CAPZB: variants seen among roughly 807,000 people sequenced by gnomAD.
CAPZB encodes capping actin protein of muscle Z-line subunit beta, also known as F-actin-capping protein subunit beta.
CAPZB carries 2 observed loss-of-function variants against 38.1 expected under a neutral mutation model. The observed-to-expected ratio is 0.05, with a 90% CI of 0.02 to 0.17. The LOEUF (loss-of-function observed/expected upper bound fraction) is 0.17. CAPZB is among the 10% of genes least tolerant of loss of function. CAPZB has a pLI of 1.00. For missense variants in CAPZB, 161 were observed against 334.2 expected, an observed-to-expected ratio of 0.48 and a Z score of 4.04; for synonymous variants, 107 against 127.4, an observed-to-expected ratio of 0.84 and a Z score of 1.08.
chr1:19,470,048 C>T (rs147953283), intron 1 of CAPZB, among the ~76,000 whole-genome samples: 26 of 152,150 alleles, frequency 1.7e-4, no homozygotes, highest in East Asian at 9.7e-4. Context: ...GGTGAAACCC[C>T]GTCTCTACAA....
At chr1:19,440,144 T>G (rs1270197738) in intron 1 of CAPZB, among the ~76,000 whole-genome samples, 1 of 152,174 alleles carries the variant, frequency 6.6e-6, no homozygotes, top group Non-Finnish European at 1.5e-5. Flanking sequence ...TACCTTTGTT[T>G]TTCTTTTCTT....
chr1:19,365,988 T>C (rs1052835857), intron 4 of CAPZB, among the ~76,000 whole-genome samples: 29 of 151,984 alleles, frequency 1.9e-4, no homozygotes, highest in Non-Finnish European at 2.8e-4. Flanking sequence ...AAAAGCAGAA[T>C]TCCTCTATGA....
chr1:19,372,428 C>T (rs760015992), intron 4 of CAPZB, among the ~76,000 whole-genome samples: 3 of 152,158 alleles, frequency 2.0e-5, no homozygotes, highest in Admixed American at 6.5e-5. Context: ...AACCCGGGGC[C>T]GACACAGGCC....
At chr1:19,374,530 G>A (rs1288648428) in intron 4 of CAPZB, 2 of 152,374 alleles carry the variant, frequency 1.3e-5, no homozygotes, top group African/African-American at 2.4e-5. Flanking sequence ...CGCAGGCCAA[G>A]CTCTAGCTTG....
intron 4 of CAPZB, among the ~76,000 whole-genome samples, chr1:19,367,556 A>T (rs1426453321): frequency 6.6e-6 from 1 of 152,162 alleles, no homozygotes; most frequent in Non-Finnish European, 1.5e-5. Context: ...GCTGAAACTC[A>T]ACCACCCTTG....
intron 4 of CAPZB, among the ~76,000 whole-genome samples, chr1:19,372,079 T>A (rs2094122303): frequency 6.6e-6 from 1 of 152,222 alleles, no homozygotes; most frequent in African/African-American, 2.4e-5. Context: ...CTCTATAAAC[T>A]TCTTCCAGAC....
chr1:19,459,775 A>C (rs1359234196), intron 1 of CAPZB, among the ~76,000 whole-genome samples: 1 of 152,128 alleles, frequency 6.6e-6, no homozygotes, highest in Admixed American at 6.5e-5. Context: ...AACAATTCAG[A>C]AGTTCAAAAT....
intron 1 of CAPZB, among the ~76,000 whole-genome samples, chr1:19,422,417 AAG>A (rs2100525375): frequency 6.6e-6 from 1 of 152,246 alleles, no homozygotes; most frequent in East Asian, 1.9e-4. Context: ...ATTGACAATA[AAG>A]TCCCCCTCAG....
chr1:19,480,998 G>C (rs748734974), intron 1 of CAPZB, among the ~76,000 whole-genome samples: 1 of 152,176 alleles, frequency 6.6e-6, no homozygotes, highest in Non-Finnish European at 1.5e-5. Context: ...ATCACTATGT[G>C]CCAGATGCTA....
chr1:19,423,739 G>C (rs1277277552), intron 1 of CAPZB, among the ~76,000 whole-genome samples: 1 of 151,676 alleles, frequency 6.6e-6, no homozygotes, highest in African/African-American at 2.4e-5. Context: ...CCAGGCTGGA[G>C]TATAGTAGCA....
chr1:19,426,389 C>T (rs1156569628), intron 1 of CAPZB, among the ~76,000 whole-genome samples: 1 of 152,178 alleles, frequency 6.6e-6, no homozygotes. Context: ...GCAGTCCCAT[C>T]CCACATGCTC....
rs1570211823 is a variant in CAPZB at position 19,420,126 on chromosome 1, C to G, written c.4-376G>C. 3 of 174,656 alleles carry G rather than the reference C, an allele frequency of 1.7e-5. No homozygotes were observed. In the East Asian group the frequency reaches 4.7e-4, roughly 27 times the overall value. The allele number at this position is 174,656 out of a possible 1,614,324, so 10.8% of individuals were successfully genotyped here. A position where few individuals can be genotyped will look rare whatever the true frequency, so the allele number is the denominator to read the frequency against. On this transcript the variant is annotated intron_variant, in intron 1 of 8. Coordinates refer to ENST00000264202, the MANE Select transcript of CAPZB (RefSeq NM_004930.5). Reference sequence around the variant, plus strand: ...ACTCCAGTAGCGGATTACTTTTGCCCTTTGTTGTAACCTGGGTGTAAACAT... The same window carrying G: ...ACTCCAGTAGCGGATTACTTTTGCCGTTTGTTGTAACCTGGGTGTAAACAT...
Position 19,481,090 on chromosome 1 carries a change from T to C in CAPZB, c.3+4346A>G, listed in dbSNP as rs79389963. 0.013 allele frequency among the ~76,000 whole-genome samples: 1,928 copies of C among 152,354 alleles called. 120 individuals are homozygous for C. The East Asian group carries it at 0.19, about 15-fold the overall frequency. ...TGTTATCCTAAAGCAGTCTGGCTCC[T>C]AACTCTATTTTCTTGTACTATGCTG... On this transcript the variant is annotated intron_variant, in intron 1 of 8. Transcript: ENST00000264202.
chr1:19,393,197 C>T (rs542206919), intron 2 of CAPZB, among the ~76,000 whole-genome samples: 1 of 152,372 alleles, frequency 6.6e-6, no homozygotes, highest in Non-Finnish European at 1.5e-5. Context: ...GCTCTCTGAG[C>T]ATGGCCACCT....
chr1:19,406,804 G>C (rs1341137621), intron 2 of CAPZB, among the ~76,000 whole-genome samples: 1 of 152,164 alleles, frequency 6.6e-6, no homozygotes, highest in African/African-American at 2.4e-5. Flanking sequence ...GAGAACAGCA[G>C]AGTATTTTGC....
chr1:19,453,433 G>A (rs1371752297), intron 1 of CAPZB, among the ~76,000 whole-genome samples: 1 of 150,310 alleles, frequency 6.7e-6, no homozygotes, highest in African/African-American at 2.5e-5. Flanking sequence ...GCTAATTTTT[G>A]TATTTTTAGT....
chr1:19,450,448 C>T (rs1265572593), intron 1 of CAPZB, among the ~76,000 whole-genome samples: 2 of 152,184 alleles, frequency 1.3e-5, no homozygotes, highest in African/African-American at 2.4e-5. Flanking sequence ...TAAATTTTCA[C>T]ATTAGGGATA....
chr1:19,461,100 G>C (rs866045076), intron 1 of CAPZB, among the ~76,000 whole-genome samples: 1 of 151,408 alleles, frequency 6.6e-6, no homozygotes, highest in East Asian at 1.9e-4. Context: ...CGGGGGCGGG[G>C]GGGGGAGGGG....
chr1:19,441,310 C>T lies in CAPZB; in HGVS notation c.4-21560G>A, dbSNP rs1279946691. Among the ~76,000 whole-genome samples the T allele has an allele frequency of 2.0e-5, 3 of 152,176 alleles. No homozygotes were observed. In the South Asian group the frequency reaches 6.2e-4, roughly 32 times the overall value. ...TGCTGGCCTGAGCACAACAGGAGTC[C>T]GTTTGCTTGGGGACATTTCTTGGAA... On this transcript the variant is annotated intron_variant, in intron 1 of 8. Transcript: ENST00000264202.
Sources: gnomAD v4.1 joint callset for allele counts (sites outside exome capture counted in the v4.1 genomes callset) on GRCh38, gnomAD v4.1.1 for gene constraint, MANE v1.5 for transcripts, NCBI Gene and HGNC (gene_info 2026-07-23, HGNC 2026-07-21) for gene names.